Variants in ANKHD1 observed in about 807,000 individuals in gnomAD.
ANKHD1 encodes ankyrin repeat and KH domain containing 1, also known as ankyrin repeat and KH domain-containing protein 1.
Under a neutral mutation model 230.5 loss-of-function variants are expected in ANKHD1, and 31 were observed. The ratio of observed to expected loss-of-function variants is 0.13; its 90% confidence interval spans 0.10 to 0.18. The LOEUF (loss-of-function observed/expected upper bound fraction) is 0.18, where lower values mean the gene tolerates loss of function less well. Ranked by LOEUF, ANKHD1 falls within the 10% of genes least tolerant of loss-of-function variation. The pLI, the probability that ANKHD1 is intolerant of heterozygous loss-of-function variation, is 1.00. For missense variants in ANKHD1, 2,256 were observed against 3,071.3 expected, an observed-to-expected ratio of 0.73 and a Z score of 6.27; for synonymous variants, 1,074 against 1,117.6, an observed-to-expected ratio of 0.96 and a Z score of 0.78.
chr5:140,500,069 A>G (rs1284267244), intron 15 of ANKHD1, among the ~76,000 whole-genome samples: 1 of 151,982 alleles, frequency 6.6e-6, no homozygotes, highest in Non-Finnish European at 1.5e-5. Flanking sequence ...GGGTTTTACC[A>G]TGTTGGCCAG....
intron 30 of ANKHD1, chr5:140,535,755 G>T (rs1754037695): frequency 1.6e-6 from 1 of 614,832 alleles, no homozygotes; most frequent in South Asian, 3.5e-5. Context: ...GTAGAACTTG[G>T]ATCAAGAAAA....
At position 140,403,161 on chromosome 5, in the gene ANKHD1, G is replaced by A. The variant is rs1770123685; in HGVS notation, c.306+888G>A. Among the ~76,000 whole-genome samples the A allele has an allele frequency of 2.0e-5, 3 of 151,614 alleles. No individual in the cohort carries two copies. The South Asian group carries it at 6.3e-4, about 32-fold the overall frequency. ...ATTTTGTATTTTTATTAGATACGGG[G>A]TTTCACCATGTTGGTCAGGCTGGTC... On this transcript the variant is annotated intron_variant, in intron 1 of 33. Transcript: ENST00000360839.
intron 1 of ANKHD1, among the ~76,000 whole-genome samples, chr5:140,410,595 A>C (rs557701305): frequency 2.0e-5 from 3 of 152,334 alleles, no homozygotes; most frequent in African/African-American, 7.2e-5. Flanking sequence ...GTTGTAATAA[A>C]TAAAATCAAT....
At chr5:140,512,993 G>A in intron 23 of ANKHD1, 70 bp downstream of exon 23, 1 of 1,414,006 alleles carries the variant, frequency 7.1e-7, no homozygotes, top group Non-Finnish European at 9.6e-7. Flanking sequence ...GTGCAGTTAG[G>A]AACTTGTTCT....
At chr5:140,474,750 C>T (rs1216815319) in intron 10 of ANKHD1, among the ~76,000 whole-genome samples, 2 of 151,870 alleles carry the variant, frequency 1.3e-5, no homozygotes, top group Admixed American at 1.3e-4. Flanking sequence ...GTATGCACCA[C>T]AATGCCTGGC....
intron 1 of ANKHD1, among the ~76,000 whole-genome samples, chr5:140,434,973 T>C (rs1334061738): frequency 6.6e-6 from 1 of 152,222 alleles, no homozygotes; most frequent in African/African-American, 2.4e-5. Flanking sequence ...AAAATACATT[T>C]TGAATTAATT....
At chr5:140,452,517 C>T (rs1021010738) in intron 7 of ANKHD1, among the ~76,000 whole-genome samples, 1 of 152,114 alleles carries the variant, frequency 6.6e-6, no homozygotes, top group African/African-American at 2.4e-5. Flanking sequence ...CCCTCTGAGA[C>T]GAAGCTTCCA....
In ANKHD1 at chr5:140,506,283, T is replaced by G. The variant is rs1303854326; in HGVS notation, c.3408+414T>G. On this transcript the variant is annotated intron_variant, in intron 18 of 33. Coordinates refer to ENST00000360839, the MANE Select transcript of ANKHD1 (RefSeq NM_017747.3). This position sits in a 1 kb window ranked among gnomAD's most constrained non-coding sequence, Gnocchi z 4.7. ...CTGAGGAATGGGTACTTCTGTTAAC[T>G]TTTATGGGAATGTAAATGCCCTTTT... Among the ~76,000 whole-genome samples the G allele has an allele frequency of 6.6e-6, 1 of 152,168 alleles. No homozygotes were observed. Among genetic ancestry groups the G allele is most frequent in the African/African-American group, 2.4e-5 (1 of 41,418 alleles).
At chr5:140,512,999 G>T in intron 23 of ANKHD1, 76 bp downstream of exon 23, 2 of 1,383,182 alleles carry the variant, frequency 1.4e-6, no homozygotes, top group East Asian at 2.5e-5. Flanking sequence ...TTAGGAACTT[G>T]TTCTTTTTAT....
chr5:140,520,270 C>T (rs947871969), intron 24 of ANKHD1, among the ~76,000 whole-genome samples: 2,288 of 151,818 alleles, frequency 0.015, 57 homozygotes, highest in African/African-American at 0.052. Flanking sequence ...ATTAAAAAGT[C>T]AGGAAACAAC....
intron 1 of ANKHD1, among the ~76,000 whole-genome samples, chr5:140,434,770 G>A (rs994335277): frequency 5.9e-5 from 9 of 151,948 alleles, no homozygotes; most frequent in Admixed American, 3.3e-4. Context: ...TCATGTAAAT[G>A]TACAACATGT....
At chr5:140,462,610 G>A (rs1438963446) in intron 9 of ANKHD1, among the ~76,000 whole-genome samples, 3 of 150,916 alleles carry the variant, frequency 2.0e-5, no homozygotes, top group Non-Finnish European at 4.4e-5. Context: ...CTATAGTCCC[G>A]GCTACTCAGG....
intron 1 of ANKHD1, among the ~76,000 whole-genome samples, chr5:140,418,034 G>A (rs921279231): frequency 1.3e-5 from 2 of 149,542 alleles, no homozygotes; most frequent in African/African-American, 2.5e-5. Flanking sequence ...TAGAGATGGG[G>A]TTTCACCATG....
intron 7 of ANKHD1, among the ~76,000 whole-genome samples, chr5:140,456,538 G>A (rs1414453742): frequency 6.6e-6 from 1 of 152,154 alleles, no homozygotes; most frequent in East Asian, 1.9e-4. Flanking sequence ...ACAGAACAGA[G>A]CCCTCAGAAA....
intron 7 of ANKHD1, among the ~76,000 whole-genome samples, chr5:140,456,150 C>A (rs1398133975): frequency 6.6e-6 from 1 of 152,128 alleles, no homozygotes; most frequent in African/African-American, 2.4e-5. Flanking sequence ...ATCCAACTTA[C>A]AAGGGATGTA....
chr5:140,508,153 A>G (rs186906175), intron 20 of ANKHD1, among the ~76,000 whole-genome samples, 155 bp downstream of exon 20: 48 of 152,364 alleles, frequency 3.2e-4, no homozygotes, highest in Admixed American at 1.2e-3. Context: ...AGTGAGTGAC[A>G]TACTGTCACC....
intron 18 of ANKHD1, 105 bp downstream of exon 18, chr5:140,505,974 GTGTT>G: frequency 1.3e-6 from 2 of 1,492,960 alleles, no homozygotes; most frequent in Non-Finnish European, 1.8e-6. Context: ...TGTATTTTGT[GTGTT>G]TGTTTTTCTG....
rs546600004 is a variant in ANKHD1, at chr5:140,410,176, A to G, written c.306+7903A>G. Among the ~76,000 whole-genome samples the G allele has an allele frequency of 6.6e-5, 10 of 152,286 alleles. No homozygotes were observed. The East Asian group carries it at 9.6e-4, about 15-fold the overall frequency. ...TTTATACTTTTAATAAAAGTATTAT[A>G]TAGCCTTTCAGAATTTCTTTATGAA... On this transcript the variant is annotated intron_variant, in intron 1 of 33. Transcript: ENST00000360839.
Position 140,504,878 on chromosome 5 carries a change from T to C in ANKHD1, c.3062T>C (p.Leu1021Pro), listed in dbSNP as rs747759542. Residue 1021 changes from leucine (L) to proline (P), a missense_variant, in exon 16 of 34, where the codon CTT (leucine) becomes CCT (proline). Physicochemically the swap from Leu to Pro is moderately conservative, Grantham distance 98 (BLOSUM62 -3). Around this residue, in one of 13 missense-constraint regions of ANKHD1, gnomAD observed 358 missense variants for 397.7 expected, o/e 0.90. Transcript: ENST00000360839. ...AGTTCTTCTCAGACCACAGAGTGTC[T>C]TACACCTGAATCCTGTTCGCAGACT... ...SNSSSQTTEC[L>P]TPESCSQTTS... 19 of 1,614,100 alleles carry C rather than the reference T, an allele frequency of 1.2e-5. No homozygotes were observed. In the South Asian group the frequency reaches 2.0e-4, roughly 17 times the overall value.
Sources: gnomAD v4.1 joint callset for allele counts (sites outside exome capture counted in the v4.1 genomes callset) on GRCh38, gnomAD v4.1.1 for gene constraint, gnomAD v4.1.1 regional missense constraint, Gnocchi (gnomAD v3.1) non-coding constraint, MANE v1.5 for transcripts, NCBI Gene and HGNC (gene_info 2026-07-23, HGNC 2026-07-21) for gene names.